FAT3: variants seen among roughly 807,000 people sequenced by gnomAD.
FAT3 encodes FAT atypical cadherin 3, also known as protocadherin Fat 3.
Under a neutral mutation model 310.2 loss-of-function variants are expected in FAT3, and 95 were observed. The observed-to-expected ratio is 0.31, with a 90% CI of 0.26 to 0.36. FAT3 has a LOEUF of 0.36. Among genes scored for constraint, FAT3 ranks in the 10% least tolerant of loss-of-function variants. The pLI is 1.00. For synonymous variants in FAT3, 2,314 were observed against 2,192.9 expected, an observed-to-expected ratio of 1.06 and a Z score of -1.54; for missense variants, 5,408 against 5,715.6, an observed-to-expected ratio of 0.95 and a Z score of 1.74.
At chr11:92,882,048 C>A (rs1451613387) in intron 23 of FAT3, among the ~76,000 whole-genome samples, 1 of 152,132 alleles carries the variant, frequency 6.6e-6, no homozygotes, top group East Asian at 1.9e-4. Context: ...AAACCTATAA[C>A]CGATATATAG....
chr11:92,832,114 T>C, intron 14 of FAT3, 103 bp downstream of exon 14: 1 of 1,310,916 alleles, frequency 7.6e-7, no homozygotes. Flanking sequence ...GAAGATCGAG[T>C]GAGTCCAGGA....
At chr11:92,598,829 A>G (rs1939859330) in intron 3 of FAT3, among the ~76,000 whole-genome samples, 1 of 152,208 alleles carries the variant, frequency 6.6e-6, no homozygotes. Context: ...TGTGATGATG[A>G]CAATGATAAT....
At chr11:92,702,180 T>C (rs556553864) in intron 4 of FAT3, among the ~76,000 whole-genome samples, 86 of 152,294 alleles carry the variant, frequency 5.6e-4, no homozygotes, top group African/African-American at 1.9e-3. Flanking sequence ...CGCTGTCTGT[T>C]AGACAGTACA....
At chr11:92,342,287 C>T (rs1360490465) in intron 1 of FAT3, among the ~76,000 whole-genome samples, 1 of 152,080 alleles carries the variant, frequency 6.6e-6, no homozygotes, top group Admixed American at 6.6e-5. Flanking sequence ...TCTACGTATG[C>T]CCAAGCCTCC....
intron 3 of FAT3, among the ~76,000 whole-genome samples, chr11:92,615,152 A>C (rs999846686): frequency 2.0e-5 from 3 of 152,188 alleles, no homozygotes; most frequent in Non-Finnish European, 4.4e-5. Context: ...AATCAACTTT[A>C]TTCTTTTTTA....
chr11:92,459,741 C>G (rs755500904), intron 2 of FAT3, among the ~76,000 whole-genome samples: 1 of 152,106 alleles, frequency 6.6e-6, no homozygotes, highest in Non-Finnish European at 1.5e-5. Context: ...ATTGAGGGAA[C>G]AGCCAACTGT....
chr11:92,368,845 T>TATATATATATATATATATAC (rs1196442457), intron 2 of FAT3, among the ~76,000 whole-genome samples: 19 of 145,892 alleles, frequency 1.3e-4, no homozygotes, highest in African/African-American at 4.5e-4. Context: ...TATATATATA[T>TATATATATATATATATATAC]ATACACACAT....
intron 3 of FAT3, among the ~76,000 whole-genome samples, chr11:92,644,498 ACT>A (rs1269053922): frequency 6.6e-6 from 1 of 151,578 alleles, no homozygotes; most frequent in African/African-American, 2.4e-5. Context: ...CCCCCCGATA[ACT>A]CTGATCCTTG....
intron 3 of FAT3, among the ~76,000 whole-genome samples, chr11:92,671,704 A>C (rs1943133465): frequency 6.6e-6 from 1 of 152,130 alleles, no homozygotes; most frequent in Non-Finnish European, 1.5e-5. Flanking sequence ...TGTACATTCC[A>C]TGAAGGCATG....
chr11:92,754,932 C>G (rs1945947887), intron 4 of FAT3, among the ~76,000 whole-genome samples: 1 of 151,990 alleles, frequency 6.6e-6, no homozygotes, highest in South Asian at 2.1e-4. Flanking sequence ...CGTGGATATA[C>G]TTGAAGAACA....
At chr11:92,784,799 G>A (rs1246833831) in intron 7 of FAT3, among the ~76,000 whole-genome samples, 2 of 152,120 alleles carry the variant, frequency 1.3e-5, no homozygotes, top group African/African-American at 2.4e-5. Context: ...GTAAGACAAA[G>A]CAAGCAAAAA....
chr11:92,489,597 A>AAAAAAGC (rs1400417062), intron 2 of FAT3, among the ~76,000 whole-genome samples: 2 of 152,100 alleles, frequency 1.3e-5, no homozygotes, highest in South Asian at 2.1e-4. Context: ...AAAAGTACAA[A>AAAAAAGC]AAAAAGCAAA....
Position 92,800,577 on chromosome 11 carries a change from G to T in FAT3, c.7564G>T (p.Asp2522Tyr). 1 of 1,613,844 alleles carries T rather than the reference G, an allele frequency of 6.2e-7. No homozygotes were observed. The change falls in exon 10 of 28, where the codon GAT (aspartate) becomes TAT (tyrosine). Residue 2522 changes from aspartate to tyrosine, a missense_variant. Physicochemically the swap from Asp to Tyr is radical, Grantham distance 160 (BLOSUM62 -3). Around this residue, in one of 5 missense-constraint regions of FAT3, gnomAD observed 4,588 missense variants for 4,809.8 expected, o/e 0.95. Coordinates refer to ENST00000525166, the MANE Select transcript of FAT3 (RefSeq NM_001367949.2). ...GTKVIHVRAT[D>Y]GDPGTYGQIS... Reference sequence around the variant, plus strand: ...AAAGGTAATTCATGTTCGAGCCACAGATGGTGATCCAGGGACTTATGGGCA... The same window carrying T: ...AAAGGTAATTCATGTTCGAGCCACATATGGTGATCCAGGGACTTATGGGCA...
intron 1 of FAT3, among the ~76,000 whole-genome samples, chr11:92,300,409 G>A (rs1490839902): frequency 6.6e-6 from 1 of 152,058 alleles, no homozygotes; most frequent in African/African-American, 2.4e-5. Flanking sequence ...TCAAAGGCTG[G>A]GGCTTTGTCT....
chr11:92,691,104 A>G (rs1382703743), intron 3 of FAT3, among the ~76,000 whole-genome samples: 1 of 152,232 alleles, frequency 6.6e-6, no homozygotes. Context: ...TGCTCAGGGA[A>G]TAAAGCAGGG....
At chr11:92,763,372 G>C (rs1450960386) in intron 5 of FAT3, among the ~76,000 whole-genome samples, 1 of 152,168 alleles carries the variant, frequency 6.6e-6, no homozygotes, top group East Asian at 1.9e-4. Context: ...TGTATCTACT[G>C]TTAGAAGCTC....
chr11:92,697,539 C>A, intron 4 of FAT3, 94 bp downstream of exon 4: 1 of 1,158,418 alleles, frequency 8.6e-7, no homozygotes, highest in Non-Finnish European at 1.3e-6. Context: ...TATATTTGAA[C>A]AGTGGATATC....
intron 3 of FAT3, among the ~76,000 whole-genome samples, chr11:92,544,768 C>T (rs1227313978): frequency 6.6e-6 from 1 of 152,148 alleles, no homozygotes; most frequent in Non-Finnish European, 1.5e-5. Flanking sequence ...GGGAAGGTAT[C>T]GCCAACCGCT....
intron 1 of FAT3, among the ~76,000 whole-genome samples, chr11:92,311,654 G>A (rs1947308118): frequency 6.6e-6 from 1 of 152,136 alleles, no homozygotes; most frequent in Non-Finnish European, 1.5e-5. Context: ...AAGCAATCTG[G>A]GTGAAAGGAG....
Sources: gnomAD v4.1 joint callset for allele counts (sites outside exome capture counted in the v4.1 genomes callset) on GRCh38, gnomAD v4.1.1 for gene constraint, gnomAD v4.1.1 regional missense constraint, MANE v1.5 for transcripts, NCBI Gene and HGNC (gene_info 2026-07-23, HGNC 2026-07-21) for gene names.